PCBP3: variants seen among roughly 807,000 people sequenced by gnomAD.
PCBP3 encodes poly(rC)-binding protein 3.
A neutral mutation model predicts 52.7 loss-of-function variants in PCBP3; 25 were observed. That is an observed-to-expected ratio of 0.47 (90% CI 0.35 to 0.66). The LOEUF (loss-of-function observed/expected upper bound fraction) is 0.66, where lower values mean the gene tolerates loss of function less well. Ranked by LOEUF, PCBP3 falls within the 30% of genes least tolerant of loss-of-function variation. The pLI, the probability that PCBP3 is intolerant of heterozygous loss-of-function variation, is 0.01. For missense variants in PCBP3, 391 were observed against 490.3 expected (o/e 0.80, Z 1.91); for synonymous variants, 162 against 183.0 (o/e 0.89, Z 0.93).
At chr21:45,646,061 C>CTCTCTCTCTCTCTCTCTCTCTT in intron 1 of PCBP3, among the ~76,000 whole-genome samples, 1 of 117,300 alleles carries the variant, frequency 8.5e-6, no homozygotes, top group South Asian at 3.2e-4. Flanking sequence ...GTTTCTCTCT[C>CTCTCTCTCTCTCTCTCTCTCTT]TCTCTCTCTC....
At position 45,830,175 on chromosome 21, in the gene PCBP3, A is replaced by G. The variant is rs1320270679; in HGVS notation, c.-125-19786A>G. On this transcript the variant is annotated intron_variant, in intron 4 of 17. Transcript: ENST00000681687. The surrounding 1 kb of genome is among the most constrained non-coding windows in gnomAD (Gnocchi z 4.4). The stretch of plus-strand genomic sequence containing the variant: ...TGCAACCCTAGACCAGTCTCCAGGC[A>G]GGGCAAATGGCCCCTCTGTGCCCCA... 6.5e-6 allele frequency: 1 copy of G among 152,842 alleles called. No homozygotes were observed. Among genetic ancestry groups the G allele is most frequent in the East Asian group, 1.9e-4 (1 of 5,202 alleles). The allele number at this position is 152,842 out of a possible 1,614,324, so 9.5% of individuals were successfully genotyped here.
chr21:45,856,447 G>T lies in PCBP3; in HGVS notation c.10+6352G>T, dbSNP rs189708373. The stretch of plus-strand genomic sequence containing the variant: ...ACATCTCACATGGAAATGTGATCCC[G>T]AGTGTTGGAGGTGGGTCTGGTGGGA... On this transcript the variant is annotated intron_variant, in intron 5 of 17. Coordinates refer to ENST00000681687, the MANE Select transcript of PCBP3 (RefSeq NM_001384156.1). Among the ~76,000 whole-genome samples the T allele has an allele frequency of 2.6e-5, 4 of 152,330 alleles. No homozygotes were observed. The East Asian group carries it at 7.7e-4, about 29-fold the overall frequency.
chr21:45,814,634 AGTG>A (rs1335319247), intron 4 of PCBP3, among the ~76,000 whole-genome samples: 10 of 63,386 alleles, frequency 1.6e-4, no homozygotes, highest in Non-Finnish European at 1.2e-4. Flanking sequence ...ATGAGTGGTG[AGTG>A]GTGAGTGAGT....
intron 2 of PCBP3, among the ~76,000 whole-genome samples, chr21:45,726,180 G>A (rs9978158): frequency 0.18 from 27,389 of 152,040 alleles, 2,632 homozygotes; most frequent in Middle Eastern, 0.33. Flanking sequence ...CGTGGGGAGG[G>A]TCAGGTCCAA....
chr21:45,721,001 G>T (rs1472595015), intron 2 of PCBP3, among the ~76,000 whole-genome samples: 1 of 152,260 alleles, frequency 6.6e-6, no homozygotes, highest in Admixed American at 6.5e-5. Flanking sequence ...TGCTGCCCCA[G>T]ATGTTTGAAG....
chr21:45,899,765 C>A (rs1270604901), intron 7 of PCBP3, 143 bp downstream of exon 7: 8 of 649,602 alleles, frequency 1.2e-5, no homozygotes, highest in Non-Finnish European at 1.9e-5. Context: ...AAGACAGGAC[C>A]CCAGAGGTGT....
At chr21:45,747,867 C>T (rs1369380591) in intron 3 of PCBP3, among the ~76,000 whole-genome samples, 1 of 152,148 alleles carries the variant, frequency 6.6e-6, no homozygotes, top group Non-Finnish European at 1.5e-5. Flanking sequence ...GGTAGCGTTC[C>T]TTCTGGACCT....
rs1463051271 is a variant in PCBP3, at chr21:45,791,383, G to A, written c.-126+35931G>A. Among the ~76,000 whole-genome samples the A allele has an allele frequency of 6.6e-6, 1 of 152,168 alleles. No individual in the cohort carries two copies. Among genetic ancestry groups the A allele is most frequent in the Admixed American group, 6.5e-5 (1 of 15,278 alleles). The stretch of plus-strand genomic sequence containing the variant: ...TGTGGTCTGGTCTGGTGTACACTGA[G>A]TCGTTTGTGTTCTCCAGTTGTGTGC... On this transcript the variant is annotated intron_variant, in intron 4 of 17. Transcript: ENST00000681687. This position sits in a 1 kb window ranked among gnomAD's most constrained non-coding sequence, Gnocchi z 4.2.
chr21:45,887,695 T>C (rs1391248523), intron 5 of PCBP3, among the ~76,000 whole-genome samples: 4 of 152,242 alleles, frequency 2.6e-5, no homozygotes, highest in African/African-American at 9.6e-5. Flanking sequence ...TCTGTGCCTT[T>C]TGTGGGAGAA....
At chr21:45,667,069 C>CTGCT in intron 1 of PCBP3, among the ~76,000 whole-genome samples, 4 of 94,018 alleles carry the variant, frequency 4.3e-5, no homozygotes, top group African/African-American at 1.7e-4. Flanking sequence ...CATTATGCAT[C>CTGCT]TGTTTGTTCT....
intron 4 of PCBP3, chr21:45,836,543 C>T (rs1196882716): frequency 6.6e-6 from 1 of 150,998 alleles, no homozygotes; most frequent in East Asian, 2.0e-4. Context: ...CTTGGCTGCA[C>T]TTCCCAGTAT....
intron 2 of PCBP3, among the ~76,000 whole-genome samples, chr21:45,685,384 A>G (rs1449361613): frequency 6.6e-6 from 1 of 152,180 alleles, no homozygotes; most frequent in Non-Finnish European, 1.5e-5. Flanking sequence ...ACACTTGAAA[A>G]TGGTTAAGAT....
At chr21:45,819,317 C>T (rs1006673328) in intron 4 of PCBP3, among the ~76,000 whole-genome samples, 3 of 152,222 alleles carry the variant, frequency 2.0e-5, no homozygotes, top group East Asian at 1.9e-4. Context: ...ACAAAGCAGT[C>T]GGAGTCCCTG....
Position 45,904,990 on chromosome 21 carries a change from A to G in PCBP3, c.339+3877A>G, listed in dbSNP as rs2096163941. Among the ~76,000 whole-genome samples, 1 of 152,344 alleles carries G rather than the reference A, an allele frequency of 6.6e-6. No individual in the cohort carries two copies. Among genetic ancestry groups the G allele is most frequent in the East Asian group, 1.9e-4 (1 of 5,188 alleles). On this transcript the variant is annotated intron_variant, in intron 9 of 17. Transcript: ENST00000681687. The surrounding 1 kb of genome is among the most constrained non-coding windows in gnomAD (Gnocchi z 4.8). ...TACAGCATGATGAGTAGTTTCATGG[A>G]TTGACTTAGCGAATATCTGTTTGAA...
In PCBP3 at chr21:45,817,298, G is replaced by T. The variant is rs1000894971; in HGVS notation, c.-125-32663G>T. Among the ~76,000 whole-genome samples, 24 of 152,140 alleles carry T rather than the reference G, an allele frequency of 1.6e-4. No homozygotes were observed. The highest frequency in any genetic ancestry group is 5.8e-4 in the African/African-American group (24 of 41,420). On this transcript the variant is annotated intron_variant, in intron 4 of 17. Transcript: ENST00000681687. The surrounding 1 kb of genome is among the most constrained non-coding windows in gnomAD (Gnocchi z 4.3). Reference sequence around the variant, plus strand: ...GAACACCCTGGATGCTGAGTGAGGGGCCTCCACTGTGGCTGTGAGCAGTCC... The same window carrying T: ...GAACACCCTGGATGCTGAGTGAGGGTCCTCCACTGTGGCTGTGAGCAGTCC...
intron 1 of PCBP3, among the ~76,000 whole-genome samples, chr21:45,653,549 T>TG (rs1273705253): frequency 5.3e-5 from 8 of 152,316 alleles, no homozygotes; most frequent in African/African-American, 1.9e-4. Flanking sequence ...AACATAGCCA[T>TG]GCTAGATGTT....
At chr21:45,841,955 G>A (rs1012314723) in intron 4 of PCBP3, among the ~76,000 whole-genome samples, 1 of 152,222 alleles carries the variant, frequency 6.6e-6, no homozygotes, top group African/African-American at 2.4e-5. Flanking sequence ...GCTGTTTGTT[G>A]CCTTCAATCA....
chr21:45,794,942 A>G (rs2091844587), intron 4 of PCBP3, among the ~76,000 whole-genome samples: 1 of 151,792 alleles, frequency 6.6e-6, no homozygotes, highest in Admixed American at 6.6e-5. Context: ...AAAAAAAAAA[A>G]GGACCTAGAA....
At chr21:45,921,348 G>A (rs546668493) in intron 13 of PCBP3, among the ~76,000 whole-genome samples, 4 of 152,260 alleles carry the variant, frequency 2.6e-5, no homozygotes, top group South Asian at 2.1e-4. Flanking sequence ...TTTTAGGAAC[G>A]TGATATTTGA....
Sources: gnomAD v4.1 joint callset for allele counts (sites outside exome capture counted in the v4.1 genomes callset) on GRCh38, gnomAD v4.1.1 for gene constraint, Gnocchi (gnomAD v3.1) non-coding constraint, MANE v1.5 for transcripts, NCBI Gene and HGNC (gene_info 2026-07-23, HGNC 2026-07-21) for gene names.